NSMCE4A: variants seen among roughly 807,000 people sequenced by gnomAD.
The protein encoded by NSMCE4A is non-structural maintenance of chromosomes element 4 homolog A.
In NSMCE4A, 40 loss-of-function variants were observed where a neutral mutation model predicts 47.9. The observed-to-expected ratio is 0.83, with a 90% CI of 0.65 to 1.09. The LOEUF (loss-of-function observed/expected upper bound fraction) is 1.09. NSMCE4A is among the 50% of genes least tolerant of loss of function. The pLI is 0.00. For missense variants in NSMCE4A, 500 were observed against 507.0 expected (o/e 0.99, Z 0.13); for synonymous variants, 166 against 178.5 (o/e 0.93, Z 0.56).
At chr10:121,958,206 G>A (rs1277473089) in intron 10 of NSMCE4A, among the ~76,000 whole-genome samples, 2 of 152,060 alleles carry the variant, frequency 1.3e-5, no homozygotes, top group African/African-American at 2.4e-5. Flanking sequence ...CTAGCCTGGG[G>A]GTGACAGAGC....
At chr10:121,968,220 C>G (rs1952643093) in intron 3 of NSMCE4A, among the ~76,000 whole-genome samples, 1 of 152,096 alleles carries the variant, frequency 6.6e-6, no homozygotes, top group Non-Finnish European at 1.5e-5. Context: ...GCCCCCAAAA[C>G]AAAGACATGC....
chr10:121,963,262 A>G lies in NSMCE4A; in HGVS notation c.820T>C (p.Leu274=), dbSNP rs773478780. Residue 274 remains leucine (L), a synonymous_variant, in exon 6 of 11, where the codon TTG becomes CTG. Transcript: ENST00000369023. ...CGATCTTCTCGAAAATATGTCTGCA[A>G]CAATCCCAAGATTCTTTCTACTTCT... ...EKEVERILGL[L]QTYFREDPDT... 6 of 1,610,592 alleles carry G rather than the reference A, an allele frequency of 3.7e-6. No homozygotes were observed. Among genetic ancestry groups the G allele is most frequent in the Admixed American group, 1.7e-5 (1 of 59,998 alleles).
rs1475562069 is a variant in NSMCE4A at position 121,967,821 on chromosome 10, G to A, written c.502-15C>T. The stretch of plus-strand genomic sequence containing the variant: ...ATATGTGTGAGCTACAAAAATGAAG[G>A]AAAACAAAAAACCCAGTTAAGCCAC... On this transcript the variant is annotated splice_polypyrimidine_tract_variant and intron_variant, in intron 3 of 10. Coordinates refer to ENST00000369023, the MANE Select transcript of NSMCE4A (RefSeq NM_017615.3). 6.3e-7 allele frequency: 1 copy of A among 1,593,986 alleles called. No homozygotes were observed.
chr10:121,962,800 TGA>T (rs1952526528), intron 6 of NSMCE4A, among the ~76,000 whole-genome samples: 1 of 152,016 alleles, frequency 6.6e-6, no homozygotes, highest in South Asian at 2.1e-4. Context: ...TTAGTAGAGA[TGA>T]GGTTTCTCCA....
In NSMCE4A at chr10:121,973,920, G is replaced by C; in HGVS notation, c.370+84C>G. 4.3e-6 allele frequency: 4 copies of C among 936,418 alleles called. No homozygotes were observed. In the South Asian group the frequency reaches 6.0e-5, roughly 14 times the overall value. 58.0% of individuals were successfully genotyped at this position (936,418 alleles called of 1,614,324 possible). A position where few individuals can be genotyped will look rare whatever the true frequency, so the allele number is the denominator to read the frequency against. ...AAGCACTATTACAAATGTGGGAATT[G>C]TTTTATGTCAATAATTTGGCGCTTA... is the stretch of plus-strand genomic sequence containing the variant. On this transcript the variant is annotated intron_variant, in intron 2 of 10. Transcript: ENST00000369023.
intron 7 of NSMCE4A, among the ~76,000 whole-genome samples, chr10:121,961,052 A>C (rs956180560): frequency 6.6e-6 from 1 of 152,208 alleles, no homozygotes; most frequent in African/African-American, 2.4e-5. Context: ...TGAAGTGAGA[A>C]TGATAGGCGG....
Position 121,961,505 on chromosome 10 carries a change from A to G in NSMCE4A, c.857T>C (p.Met286Thr). The G allele has an allele frequency of 1.9e-6, 3 of 1,562,944 alleles. No homozygotes were observed. Among genetic ancestry groups the G allele is most frequent in the Non-Finnish European group, 2.6e-6 (3 of 1,164,648 alleles). Residue 286 changes from methionine to threonine, a missense_variant, in exon 7 of 11, where the codon ATG becomes ACG. Physicochemically the swap from Met to Thr is moderately conservative, Grantham distance 81. Transcript: ENST00000369023. ...TYFREDPDTP[M>T]SFFDFVVDPH... The stretch of plus-strand genomic sequence containing the variant: ...ATCAACCACAAAGTCAAAGAAGGAC[A>G]TTGGGGTATCAGCTATAGACAAAAA...
At chr10:121,972,095 C>T (rs1209930152) in intron 2 of NSMCE4A, among the ~76,000 whole-genome samples, 4 of 152,200 alleles carry the variant, frequency 2.6e-5, no homozygotes, top group South Asian at 2.1e-4. Context: ...CCGAGGCAGG[C>T]GGATCACTTT....
At chr10:121,959,226 G>A in intron 10 of NSMCE4A, 98 bp downstream of exon 10, 2 of 1,014,206 alleles carry the variant, frequency 2.0e-6, no homozygotes, top group Non-Finnish European at 1.6e-6. Flanking sequence ...CTACAGGGAG[G>A]CAAAAATTCA....
intron 1 of NSMCE4A, chr10:121,974,301 C>T (rs1952774308): frequency 7.3e-7 from 1 of 1,360,628 alleles, no homozygotes; most frequent in Non-Finnish European, 9.5e-7. Context: ...CTAGCTCCCT[C>T]TAACCTTAAC....
At chr10:121,972,132 G>T (rs564090430) in intron 2 of NSMCE4A, among the ~76,000 whole-genome samples, 15 of 152,182 alleles carry the variant, frequency 9.9e-5, no homozygotes, top group African/African-American at 3.6e-4. Context: ...GACCAGCCTG[G>T]GCAACGTGGT....
intron 1 of NSMCE4A, 85 bp from the exon 2 acceptor site, chr10:121,974,166 G>T: frequency 7.3e-7 from 1 of 1,365,216 alleles, no homozygotes; most frequent in Non-Finnish European, 1.0e-6. Flanking sequence ...CAACAGTAAA[G>T]CCAAGCCCCG....
intron 1 of NSMCE4A, chr10:121,974,550 G>A (rs1590796538): frequency 1.1e-5 from 11 of 1,016,708 alleles, no homozygotes; most frequent in Non-Finnish European, 1.3e-5. Context: ...GGACTGCCGG[G>A]CGCAATCAAA....
At position 121,961,426 on chromosome 10, in the gene NSMCE4A, T is replaced by C. The variant is rs1224187216; in HGVS notation, c.936A>G (p.Ile312Met). 2.0e-5 allele frequency: 31 copies of C among 1,556,278 alleles called. No homozygotes were observed. Among genetic ancestry groups the C allele is most frequent in the Non-Finnish European group, 2.7e-5 (31 of 1,156,524 alleles). Residue 312 changes from isoleucine (I) to methionine (M), a missense_variant, in exon 7 of 11, where the codon ATA becomes ATG. By Grantham distance (10) the Ile-to-Met change is conservative. Coordinates refer to ENST00000369023, the MANE Select transcript of NSMCE4A (RefSeq NM_017615.3). ...VENIFHVSFI[I>M]RDGFARIRLD... ...GAAAAATAATCTTTAATCTTACCCG[T>C]ATAATGAAGGAAACATGAAAGATGT...
At chr10:121,967,026 C>T (rs1395223293) in intron 4 of NSMCE4A, 1 of 152,118 alleles carries the variant, frequency 6.6e-6, no homozygotes, top group Non-Finnish European at 1.5e-5. Flanking sequence ...ATAAGATACC[C>T]TCAGTAGGAG....
chr10:121,974,098 A>C lies in NSMCE4A; in HGVS notation c.293-17T>G, dbSNP rs777434660. The C allele has an allele frequency of 6.3e-7, 1 of 1,576,616 alleles. No individual in the cohort carries two copies. The highest frequency in any genetic ancestry group is 1.1e-5 in the South Asian group (1 of 87,144). ...CACGGTTTTCTATTTTTAAAAATAC[A>C]AACTTTGGGAAATTTGTTCAGCATT... is the stretch of plus-strand genomic sequence containing the variant. On this transcript the variant is annotated splice_polypyrimidine_tract_variant and intron_variant, in intron 1 of 10. Transcript: ENST00000369023.
chr10:121,963,213 C>A lies in NSMCE4A; in HGVS notation c.844+25G>T, dbSNP rs1393407706. 3 of 1,424,494 alleles carry A rather than the reference C, an allele frequency of 2.1e-6. No homozygotes were observed. The South Asian group carries it at 3.5e-5, about 17-fold the overall frequency. The allele number at this position is 1,424,494 out of a possible 1,614,324, so 88.2% of individuals were successfully genotyped here. A position where few individuals can be genotyped will look rare whatever the true frequency, so the allele number is the denominator to read the frequency against. The stretch of plus-strand genomic sequence containing the variant: ...AGTGAACAGATAAATACAAATTGCT[C>A]CACTTTGAATGGTGTTACACTTACG... On this transcript the variant is annotated intron_variant, in intron 6 of 10. Transcript: ENST00000369023.
chr10:121,958,266 G>T (rs1209683359), intron 10 of NSMCE4A, among the ~76,000 whole-genome samples: 2 of 152,076 alleles, frequency 1.3e-5, no homozygotes, highest in African/African-American at 4.8e-5. Flanking sequence ...TAAGTGACTT[G>T]CCCAAGGTTT....
intron 1 of NSMCE4A, 41 bp from the exon 2 acceptor site, chr10:121,974,122 T>G: frequency 1.3e-6 from 2 of 1,517,514 alleles, no homozygotes; most frequent in Non-Finnish European, 1.8e-6. Context: ...TTGTTCAGCA[T>G]TCACTAATAA....
Sources: allele counts gnomAD v4.1 joint callset (sites outside exome capture counted in the v4.1 genomes callset), GRCh38; gene constraint gnomAD v4.1.1; transcripts MANE v1.5; gene names NCBI Gene and HGNC (gene_info 2026-07-23, HGNC 2026-07-21).